Variants in STMN3 observed in about 807,000 individuals in gnomAD.
The protein encoded by STMN3 is stathmin 3.
In STMN3, 24 loss-of-function variants were observed where a neutral mutation model predicts 23.2. The ratio of observed to expected loss-of-function variants is 1.03; its 90% CI spans 0.75 to 1.45. STMN3 has a LOEUF of 1.45. STMN3 is among the 40% of genes most tolerant of loss of function. The probability of loss-of-function intolerance (pLI) is 0.00; values close to 1 mark genes in which losing one functional copy is unlikely to be tolerated. For synonymous variants in STMN3, 117 were observed against 103.4 expected (o/e 1.13, Z -0.80); for missense variants, 235 against 237.6 (o/e 0.99, Z 0.07).
rs535533940 is a variant in STMN3 at position 63,646,142 on chromosome 20, G to C, written c.20-1833C>G. Among the ~76,000 whole-genome samples the C allele has an allele frequency of 1.2e-3, 176 of 152,186 alleles. 1 individual carries two copies. The highest frequency in any genetic ancestry group is 4.2e-3 in the African/African-American group (173 of 41,478). On this transcript the variant is annotated intron_variant, in intron 1 of 4. Coordinates refer to ENST00000370053, the MANE Select transcript of STMN3 (RefSeq NM_015894.4). ...TTTCCTGGTGACCTACACTTTTCTG[G>C]ACAGAGCAGCACAGAGCCCAAGAGG...
Position 63,640,924 on chromosome 20 carries a change from C to G in STMN3, c.*414G>C, listed in dbSNP as rs2089755512. 6.7e-6 allele frequency: 2 copies of G among 300,518 alleles called. No individual in the cohort carries two copies. Among genetic ancestry groups the G allele is most frequent in the Non-Finnish European group, 1.3e-5 (2 of 155,252 alleles). The allele number at this position is 300,518 out of a possible 1,614,324, so 18.6% of individuals were successfully genotyped here. A position where few individuals can be genotyped will look rare whatever the true frequency, so the allele number is the denominator to read the frequency against. On this transcript the variant is annotated 3_prime_UTR_variant, in exon 5 of 5. Coordinates refer to ENST00000370053, the MANE Select transcript of STMN3 (RefSeq NM_015894.4). ...GAGCCCCTTCCCCCTGGAAAGACAG[C>G]AGGTACTGTAGCCTCGCCTGCTGGC...
In STMN3 at chr20:63,652,694, G is replaced by C. The variant is rs1249842552; in HGVS notation, c.19+633C>G. ...CCCCATCCAGACCCCGCGGCGCAAA[G>C]GGCAGTGGCTTTTCTGGCCAGAGCA... On this transcript the variant is annotated intron_variant, in intron 1 of 4. Transcript: ENST00000370053. This position sits in a 1 kb window ranked among gnomAD's most constrained non-coding sequence, Gnocchi z 5.3. The C allele has an allele frequency of 2.0e-6, 2 of 985,914 alleles. No individual in the cohort carries two copies. Among genetic ancestry groups the C allele is most frequent in the Non-Finnish European group, 2.4e-6 (2 of 830,436 alleles). 61.1% of individuals were successfully genotyped at this position (985,914 alleles called of 1,614,324 possible).
At position 63,647,965 on chromosome 20, in the gene STMN3, T is replaced by C. The variant is rs1201110981; in HGVS notation, c.20-3656A>G. ...GTGTGTGTGTATATATATATGTATATATATATATATATATACATATATATA... is the reference window on the plus strand; with the variant it reads ...GTGTGTGTGTATATATATATGTATACATATATATATATATACATATATATA... On this transcript the variant is annotated intron_variant, in intron 1 of 4. Transcript: ENST00000370053. Among the ~76,000 whole-genome samples, 8 of 82,046 alleles carry C rather than the reference T, an allele frequency of 9.8e-5. 1 individual carries two copies. Among genetic ancestry groups the C allele is most frequent in the Admixed American group, 1.4e-4 (1 of 7,324 alleles). The allele number at this position is 82,046 out of a possible 152,430, so 53.8% of individuals were successfully genotyped here.
At chr20:63,646,982 G>A (rs556704464) in intron 1 of STMN3, among the ~76,000 whole-genome samples, 5 of 150,588 alleles carry the variant, frequency 3.3e-5, no homozygotes, top group Admixed American at 6.6e-5. Context: ...TTGAGCCACC[G>A]CGCCCGCCCG....
At chr20:63,648,985 C>T (rs1311582381) in intron 1 of STMN3, among the ~76,000 whole-genome samples, 1 of 152,074 alleles carries the variant, frequency 6.6e-6, no homozygotes, top group East Asian at 1.9e-4. Flanking sequence ...ACGGTGGGGA[C>T]GCAGGTCAGA....
intron 1 of STMN3, among the ~76,000 whole-genome samples, chr20:63,647,948 G>GTGTGTGTATATATATA (rs1320052757): frequency 3.1e-5 from 2 of 63,828 alleles, no homozygotes; most frequent in East Asian, 2.2e-4. Context: ...GTGTGTGTGT[G>GTGTGTGTATATATATA]TATATATATA....
At chr20:63,644,418 T>TAG in intron 1 of STMN3, 109 bp from the exon 2 acceptor site, 1 of 784,640 alleles carries the variant, frequency 1.3e-6, no homozygotes, top group Non-Finnish European at 2.1e-6. Context: ...GACACGGAGC[T>TAG]GCCCAGCACG....
rs1324416683 is a variant in STMN3, at chr20:63,641,034, C to G, written c.*304G>C. On this transcript the variant is annotated 3_prime_UTR_variant, in exon 5 of 5. Transcript: ENST00000370053. ...GTAAGGACCCGTGATCCCACGCCAC[C>G]GCCCTGGGTTTACCACGGTCACCGC... 2 of 483,796 alleles carry G rather than the reference C, an allele frequency of 4.1e-6. No individual in the cohort carries two copies. Among genetic ancestry groups the G allele is most frequent in the African/African-American group, 4.0e-5 (2 of 50,590 alleles). The allele number at this position is 483,796 out of a possible 1,614,324, so 30.0% of individuals were successfully genotyped here. A position where few individuals can be genotyped will look rare whatever the true frequency, so the allele number is the denominator to read the frequency against.
At chr20:63,646,337 T>C (rs2089808738) in intron 1 of STMN3, among the ~76,000 whole-genome samples, 1 of 151,802 alleles carries the variant, frequency 6.6e-6, no homozygotes, top group African/African-American at 2.4e-5. Context: ...ACAGGGGACT[T>C]TGGTCTGACT....
intron 1 of STMN3, among the ~76,000 whole-genome samples, chr20:63,646,211 T>C (rs1210386795): frequency 6.6e-6 from 1 of 151,490 alleles, no homozygotes; most frequent in African/African-American, 2.4e-5. Flanking sequence ...GGCAGGCCCG[T>C]GCGAGAGCCT....
chr20:63,646,621 G>A (rs568634853), intron 1 of STMN3, among the ~76,000 whole-genome samples: 1 of 151,892 alleles, frequency 6.6e-6, no homozygotes, highest in Admixed American at 6.6e-5. Flanking sequence ...CCAAAGTGCT[G>A]GGATTACAGG....
In STMN3 at chr20:63,643,661, A is replaced by G. The variant is rs1171826841; in HGVS notation, c.291+95T>C. On this transcript the variant is annotated intron_variant, in intron 3 of 4. Coordinates refer to ENST00000370053, the MANE Select transcript of STMN3 (RefSeq NM_015894.4). ...CTGCTCCAGGCCAAGGCACTGACCA[A>G]GCCTGTCCGGGAGCACCCTGCTTCT... 3.5e-6 allele frequency: 5 copies of G among 1,436,496 alleles called. No homozygotes were observed. In the East Asian group the frequency reaches 8.0e-5, roughly 23 times the overall value. The allele number at this position is 1,436,496 out of a possible 1,614,324, so 89.0% of individuals were successfully genotyped here.
chr20:63,650,927 TTTCGTCTTC>T (rs2089853840), intron 1 of STMN3, among the ~76,000 whole-genome samples: 1 of 136,958 alleles, frequency 7.3e-6, no homozygotes, highest in African/African-American at 2.7e-5. Context: ...TCTCCTTCTC[TTTCGTCTTC>T]TTCGTCTTCC....
chr20:63,644,375 C>T, intron 1 of STMN3, 66 bp from the exon 2 acceptor site: 5 of 1,230,606 alleles, frequency 4.1e-6, no homozygotes, highest in Non-Finnish European at 4.7e-6. Context: ...CCCGTTTTCC[C>T]TCCCCATGGC....
chr20:63,643,570 C>T (rs1308735714), intron 3 of STMN3, 186 bp downstream of exon 3: 1 of 936,176 alleles, frequency 1.1e-6, no homozygotes, highest in South Asian at 4.9e-5. Context: ...CGTGAGCCAC[C>T]ACACCCGGCC....
At position 63,652,605 on chromosome 20, in the gene STMN3, T is replaced by TGGAGGGGCG. The variant is rs1209281338; in HGVS notation, c.19+713_19+721dup. Reference sequence around the variant, plus strand: ...GGCGGTGGGTCCGCCCCGCGGGAGGTGGAGGGGCGGGAGGGGCGGAGCCCT... The same window carrying TGGAGGGGCG: ...GGCGGTGGGTCCGCCCCGCGGGAGGTGGAGGGGCGGGAGGGGCGGGAGGGGCGGAGCCCT... On this transcript the variant is annotated intron_variant, in intron 1 of 4. Transcript: ENST00000370053. This position sits in a 1 kb window ranked among gnomAD's most constrained non-coding sequence, Gnocchi z 5.3. The TGGAGGGGCG allele has an allele frequency of 3.0e-6, 3 of 984,634 alleles. No homozygotes were observed. Among genetic ancestry groups the TGGAGGGGCG allele is most frequent in the Non-Finnish European group, 3.6e-6 (3 of 829,716 alleles). The allele number at this position is 984,634 out of a possible 1,614,324, so 61.0% of individuals were successfully genotyped here. A position where few individuals can be genotyped will look rare whatever the true frequency, so the allele number is the denominator to read the frequency against.
At position 63,653,403 on chromosome 20, in the gene STMN3, T is replaced by A; in HGVS notation, c.-58A>T. ...GAGAGGCGCAAGTGGCGGCCGGAGC[T>A]GCAGACGGCTGGTGCTGCAGTGCCG... is the stretch of plus-strand genomic sequence containing the variant. On this transcript the variant is annotated 5_prime_UTR_variant, in exon 1 of 5. Transcript: ENST00000370053. The A allele has an allele frequency of 6.8e-7, 1 of 1,466,056 alleles. No individual in the cohort carries two copies. Among genetic ancestry groups the A allele is most frequent in the Non-Finnish European group, 9.1e-7 (1 of 1,104,818 alleles). The allele number at this position is 1,466,056 out of a possible 1,614,324, so 90.8% of individuals were successfully genotyped here. A position where few individuals can be genotyped will look rare whatever the true frequency, so the allele number is the denominator to read the frequency against.
chr20:63,653,277 C>T (rs1305823519), intron 1 of STMN3, 50 bp downstream of exon 1: 2 of 1,541,354 alleles, frequency 1.3e-6, no homozygotes, highest in Non-Finnish European at 1.7e-6. Context: ...CCAGACGAGG[C>T]CTCTGCTCAG....
At position 63,643,768 on chromosome 20, in the gene STMN3, C is replaced by A. The variant is rs1470160682; in HGVS notation, c.279G>T (p.Glu93Asp). 1.4e-5 allele frequency: 21 copies of A among 1,548,036 alleles called. No individual in the cohort carries two copies. The highest frequency in any genetic ancestry group is 1.8e-5 in the Non-Finnish European group (21 of 1,156,790). The change falls in exon 3 of 5, where the codon GAG becomes GAT. Residue 93 changes from glutamate (E) to aspartate (D), a missense_variant. Physicochemically the swap from Glu to Asp is conservative, Grantham distance 45. Coordinates refer to ENST00000370053, the MANE Select transcript of STMN3 (RefSeq NM_015894.4). ...GAGGACTCCTTGCCTTCCTCCGCTCCTCGGCTGCCTCCAGCCGCTTTTGCA... is the reference window on the plus strand; with the variant it reads ...GAGGACTCCTTGCCTTCCTCCGCTCATCGGCTGCCTCCAGCCGCTTTTGCA... Reference protein sequence around the residue: ...EELQKRLEAAEERRKTQEAQV... With the variant: ...EELQKRLEAADERRKTQEAQV...
Sources: gnomAD v4.1 joint callset for allele counts (sites outside exome capture counted in the v4.1 genomes callset) on GRCh38, gnomAD v4.1.1 for gene constraint, Gnocchi (gnomAD v3.1) non-coding constraint, MANE v1.5 for transcripts, NCBI Gene and HGNC (gene_info 2026-07-23, HGNC 2026-07-21) for gene names.